Variants in SYT17 observed in about 807,000 individuals in gnomAD.
SYT17 encodes the protein synaptotagmin-17.
A neutral mutation model predicts 46.7 loss-of-function variants in SYT17; 22 were observed. The ratio of observed to expected loss-of-function variants is 0.47; its 90% CI spans 0.34 to 0.67. The LOEUF (loss-of-function observed/expected upper bound fraction) is 0.67, where lower values mean the gene tolerates loss of function less well. Ranked by LOEUF, SYT17 falls within the 30% of genes least tolerant of loss-of-function variation. The pLI is 0.01. For missense variants in SYT17, 519 were observed against 612.8 expected (o/e 0.85, Z 1.62); for synonymous variants, 251 against 248.4 (o/e 1.01, Z -0.10).
chr16:19,197,626 C>T lies in SYT17; in HGVS notation c.951+13479C>T, dbSNP rs548505219. Among the ~76,000 whole-genome samples, 162 of 151,902 alleles carry T rather than the reference C, an allele frequency of 1.1e-3. 1 individual carries two copies. The highest frequency in any genetic ancestry group is 2.0e-3 in the Non-Finnish European group (133 of 67,900). ...ACCATGCATGGCTAATTTGCTCAGC[C>T]GTGTTGCTCAGGCTGGTCTTGAGCT... On this transcript the variant is annotated intron_variant, in intron 5 of 7. Coordinates refer to ENST00000355377, the MANE Select transcript of SYT17 (RefSeq NM_016524.4).
chr16:19,262,270 C>G (rs1387186929), intron 7 of SYT17, among the ~76,000 whole-genome samples: 1 of 152,176 alleles, frequency 6.6e-6, no homozygotes, highest in African/African-American at 2.4e-5. Context: ...AGGCTCTGTC[C>G]TCATGAATGG....
At chr16:19,187,531 T>C (rs899429465) in intron 5 of SYT17, among the ~76,000 whole-genome samples, 1 of 152,170 alleles carries the variant, frequency 6.6e-6, no homozygotes, top group African/African-American at 2.4e-5. Context: ...TGGAATCCAC[T>C]AGGAAGGTCA....
intron 7 of SYT17, among the ~76,000 whole-genome samples, chr16:19,259,879 C>T (rs1178497244): frequency 6.6e-6 from 1 of 152,042 alleles, no homozygotes; most frequent in African/African-American, 2.4e-5. Context: ...AGAGGACATG[C>T]GCCCAAGGTG....
At chr16:19,202,103 A>G (rs764832040) in intron 5 of SYT17, among the ~76,000 whole-genome samples, 2 of 151,986 alleles carry the variant, frequency 1.3e-5, no homozygotes, top group Non-Finnish European at 2.9e-5. Context: ...GTGTCCTTCA[A>G]TTCAATTCAT....
intron 5 of SYT17, among the ~76,000 whole-genome samples, chr16:19,218,911 C>T (rs1023960456): frequency 2.9e-4 from 44 of 152,194 alleles, no homozygotes; most frequent in Non-Finnish European, 1.3e-4. Flanking sequence ...GTTGTTCCCT[C>T]TGCCCCATGA....
intron 5 of SYT17, among the ~76,000 whole-genome samples, chr16:19,193,736 G>A (rs1042167138): frequency 1.3e-5 from 2 of 152,224 alleles, no homozygotes; most frequent in East Asian, 3.8e-4. Flanking sequence ...GGCAACTAGA[G>A]CTTAATCATA....
intron 7 of SYT17, among the ~76,000 whole-genome samples, chr16:19,243,700 C>T (rs1056654901): frequency 6.6e-6 from 1 of 151,608 alleles, no homozygotes. Context: ...TGCCTGTAAT[C>T]CCAGCTACTC....
At chr16:19,239,751 A>G (rs1966954167) in intron 7 of SYT17, among the ~76,000 whole-genome samples, 1 of 152,090 alleles carries the variant, frequency 6.6e-6, no homozygotes, top group African/African-American at 2.4e-5. Flanking sequence ...TTTTGCCTGG[A>G]CCCACTGGGC....
chr16:19,202,948 G>A (rs1277819086), intron 5 of SYT17, among the ~76,000 whole-genome samples: 1 of 152,070 alleles, frequency 6.6e-6, no homozygotes, highest in African/African-American at 2.4e-5. Flanking sequence ...AAGCTTGTGA[G>A]CTCAAGCTAT....
chr16:19,182,773 G>C (rs1435076652), intron 4 of SYT17, among the ~76,000 whole-genome samples: 1 of 152,268 alleles, frequency 6.6e-6, no homozygotes, highest in African/African-American at 2.4e-5. Flanking sequence ...GGAAGGGAGA[G>C]AGGCGGCCCG....
chr16:19,173,145 A>G (rs1359135046), intron 2 of SYT17: 3 of 536,890 alleles, frequency 5.6e-6, no homozygotes, highest in Non-Finnish European at 9.8e-6. Flanking sequence ...ATGTCAAGAA[A>G]GACGTTCACA....
chr16:19,227,319 C>T (rs988381662), intron 7 of SYT17, among the ~76,000 whole-genome samples: 2 of 113,732 alleles, frequency 1.8e-5, no homozygotes, highest in African/African-American at 3.8e-5. Flanking sequence ...TAATCCTTCT[C>T]CCCGCTTTTT....
chr16:19,174,762 A>G (rs1329038478), intron 3 of SYT17, among the ~76,000 whole-genome samples: 2 of 152,208 alleles, frequency 1.3e-5, no homozygotes, highest in Non-Finnish European at 2.9e-5. Flanking sequence ...AAGGGAGTCA[A>G]TGAATTTGGA....
At chr16:19,222,743 G>C (rs1450120549) in intron 5 of SYT17, among the ~76,000 whole-genome samples, 3 of 152,174 alleles carry the variant, frequency 2.0e-5, no homozygotes, top group African/African-American at 7.2e-5. Flanking sequence ...AGACTCATTA[G>C]TCATTACATG....
At chr16:19,181,715 A>G (rs1964564053) in intron 4 of SYT17, among the ~76,000 whole-genome samples, 1 of 152,106 alleles carries the variant, frequency 6.6e-6, no homozygotes, top group African/African-American at 2.4e-5. Flanking sequence ...AAAAAAAAAA[A>G]AAGTCTGGGC....
chr16:19,244,762 A>C (rs973338129), intron 7 of SYT17, among the ~76,000 whole-genome samples: 2 of 152,118 alleles, frequency 1.3e-5, no homozygotes, highest in South Asian at 4.2e-4. Context: ...GGCCTTGGGG[A>C]GTTTCATCTC....
At chr16:19,178,638 C>G (rs1964418525) in intron 3 of SYT17, among the ~76,000 whole-genome samples, 1 of 152,140 alleles carries the variant, frequency 6.6e-6, no homozygotes, top group Non-Finnish European at 1.5e-5. Flanking sequence ...ATCTCATGCA[C>G]AGGATGCGTC....
Position 19,183,385 on chromosome 16 carries a change from C to A in SYT17, c.332-143C>A. Reference sequence around the variant, plus strand: ...GCCACCAAACTATCTGTCACAGAATCAGTGAGTATTTCAGAGTGTGGAGAA... The same window carrying A: ...GCCACCAAACTATCTGTCACAGAATAAGTGAGTATTTCAGAGTGTGGAGAA... On this transcript the variant is annotated intron_variant, in intron 4 of 7. Coordinates refer to ENST00000355377, the MANE Select transcript of SYT17 (RefSeq NM_016524.4). This position sits in a 1 kb window ranked among gnomAD's most constrained non-coding sequence, Gnocchi z 5.6. 2 of 1,198,928 alleles carry A rather than the reference C, an allele frequency of 1.7e-6. No homozygotes were observed. The highest frequency in any genetic ancestry group is 2.3e-6 in the Non-Finnish European group (2 of 859,000). 74.3% of individuals were successfully genotyped at this position (1,198,928 alleles called of 1,614,324 possible).
Position 19,180,248 on chromosome 16 carries a change from C to T in SYT17, c.183-143C>T. 3.7e-6 allele frequency: 3 copies of T among 815,094 alleles called. No individual in the cohort carries two copies. The East Asian group carries it at 7.6e-5, about 21-fold the overall frequency. 50.5% of individuals were successfully genotyped at this position (815,094 alleles called of 1,614,324 possible). ...AGACGTTGTTGAGAGTTTAAGGACA[C>T]CACACTGTCAAATTTGCATTATTCC... On this transcript the variant is annotated intron_variant, in intron 3 of 7. Coordinates refer to ENST00000355377, the MANE Select transcript of SYT17 (RefSeq NM_016524.4).
Sources: allele counts gnomAD v4.1 joint callset (sites outside exome capture counted in the v4.1 genomes callset), GRCh38; gene constraint gnomAD v4.1.1; non-coding constraint Gnocchi (gnomAD v3.1); transcripts MANE v1.5; gene names NCBI Gene and HGNC (gene_info 2026-07-23, HGNC 2026-07-21).